Variants in SETDB1 observed in about 807,000 individuals in gnomAD.
SETDB1 encodes SET domain bifurcated histone lysine methyltransferase 1, also known as histone-lysine N-methyltransferase SETDB1.
In SETDB1, 31 loss-of-function variants were observed where a neutral mutation model predicts 137.4. That is an observed-to-expected ratio of 0.23 (90% confidence interval 0.17 to 0.30). The LOEUF is 0.30. SETDB1 is among the 10% of genes least tolerant of loss of function. The pLI, the probability that SETDB1 is intolerant of heterozygous loss-of-function variation, is 1.00. For synonymous variants in SETDB1, 548 were observed against 579.9 expected, an observed-to-expected ratio of 0.95 and a Z score of 0.79; for missense variants, 1,113 against 1,631.5, an observed-to-expected ratio of 0.68 and a Z score of 5.47.
At chr1:150,956,090 T>TAAAAAAA (rs1670630291) in intron 14 of SETDB1, among the ~76,000 whole-genome samples, 1 of 35,822 alleles carries the variant, frequency 2.8e-5, no homozygotes, top group South Asian at 1.1e-3. Flanking sequence ...AGACTTCGTC[T>TAAAAAAA]CAAAAAAAAA....
intron 3 of SETDB1, among the ~76,000 whole-genome samples, chr1:150,931,736 A>AAC (rs1371879425): frequency 8.8e-5 from 13 of 148,160 alleles, no homozygotes; most frequent in Non-Finnish European, 1.4e-4. Flanking sequence ...CAAAAAAAAA[A>AAC]AAAAAAAAAA....
At chr1:150,963,269 G>T in intron 19 of SETDB1, 130 bp downstream of exon 19, 1 of 845,354 alleles carries the variant, frequency 1.2e-6, no homozygotes. Flanking sequence ...CTCTGGGAGG[G>T]CTTTCTGACT....
chr1:150,961,313 C>G, intron 16 of SETDB1, 122 bp downstream of exon 16: 1 of 1,013,554 alleles, frequency 9.9e-7, no homozygotes, highest in Non-Finnish European at 1.5e-6. Flanking sequence ...GTGGCCACCT[C>G]GTTATCTCTC....
Position 150,951,084 on chromosome 1 carries a change from G to A in SETDB1, c.2210G>A (p.Arg737Gln), listed in dbSNP as rs200603147. The change falls in exon 13 of 22, where the codon CGG becomes CAG. Residue 737 changes from arginine to glutamine, a missense_variant. Arg to Gln is a conservative substitution (Grantham distance 43). This residue lies in a region of SETDB1 where 81 missense variants were observed against 123.4 expected (regional missense o/e 0.66). Coordinates refer to ENST00000692827, the MANE Select transcript of SETDB1 (RefSeq NM_001366418.1). ...GGCTGTGACTGCAAGGATGGGTGTC[G>A]GGACAAGTGAGTTGGTGGGGGGAAT... ...LVGCDCKDGCRDKSKCACHQL... is the reference protein window; with the variant it reads ...LVGCDCKDGCQDKSKCACHQL... 7 of 1,605,234 alleles carry A rather than the reference G, an allele frequency of 4.4e-6. No individual in the cohort carries two copies. The highest frequency in any genetic ancestry group is 5.1e-6 in the Non-Finnish European group (6 of 1,173,844).
Position 150,941,375 on chromosome 1 carries a change from A to C in SETDB1, c.494A>C (p.Gln165Pro). The C allele has an allele frequency of 6.2e-7, 1 of 1,613,862 alleles. No individual in the cohort carries two copies. The highest frequency in any genetic ancestry group is 1.7e-5 in the Admixed American group (1 of 60,010). ...AALRKSAQDVQKFMDAVNKKS... is the reference protein window; with the variant it reads ...AALRKSAQDVPKFMDAVNKKS... ...TTAAGAAAGTCAGCTCAAGATGTTC[A>C]GAAGTTCATGGATGCTGTCAACAAG... Residue 165 changes from glutamine (Q) to proline (P), a missense_variant, in exon 5 of 22, where the codon CAG becomes CCG. By Grantham distance (76) the Gln-to-Pro change is moderately conservative (BLOSUM62 -1). Around this residue, in one of 11 missense-constraint regions of SETDB1, gnomAD observed 159 missense variants for 188.6 expected, o/e 0.84. Coordinates refer to ENST00000692827, the MANE Select transcript of SETDB1 (RefSeq NM_001366418.1).
chr1:150,961,301 C>A, intron 16 of SETDB1, 110 bp downstream of exon 16: 2 of 1,133,902 alleles, frequency 1.8e-6, no homozygotes, highest in Non-Finnish European at 2.6e-6. Context: ...ATGGATATTT[C>A]TGTGGCCACC....
intron 14 of SETDB1, among the ~76,000 whole-genome samples, chr1:150,956,798 C>T (rs1670655096): frequency 6.6e-6 from 1 of 150,988 alleles, no homozygotes; most frequent in Non-Finnish European, 1.5e-5. Flanking sequence ...GGATTACCGA[C>T]ATGGGAAATA....
chr1:150,937,384 A>G (rs973956085), intron 3 of SETDB1, among the ~76,000 whole-genome samples: 7 of 152,110 alleles, frequency 4.6e-5, no homozygotes, highest in African/African-American at 1.7e-4. Flanking sequence ...TGCAAAATGA[A>G]AAGAGTTCTG....
chr1:150,948,307 T>C (rs946346230), intron 10 of SETDB1, among the ~76,000 whole-genome samples: 5 of 151,240 alleles, frequency 3.3e-5, no homozygotes, highest in African/African-American at 4.9e-5. Flanking sequence ...GTCTGGTTCT[T>C]TTGCCCAGGC....
rs1384065293 is a variant in SETDB1, at chr1:150,964,730, A to G, written c.*366A>G. On this transcript the variant is annotated 3_prime_UTR_variant, in exon 22 of 22. Coordinates refer to ENST00000692827, the MANE Select transcript of SETDB1 (RefSeq NM_001366418.1). ...CTTGAAAGTCTTTTAACAATATGAT[A>G]AAACTAAGATTGTGGTTTTGTTTCT... 3 of 564,464 alleles carry G rather than the reference A, an allele frequency of 5.3e-6. No individual in the cohort carries two copies. The highest frequency in any genetic ancestry group is 9.5e-6 in the Non-Finnish European group (3 of 316,978). 35.0% of individuals were successfully genotyped at this position (564,464 alleles called of 1,614,324 possible).
chr1:150,958,254 C>CTTTTTTTTTTTTTT (rs374122454), intron 14 of SETDB1, among the ~76,000 whole-genome samples: 3 of 94,070 alleles, frequency 3.2e-5, no homozygotes, highest in Non-Finnish European at 6.1e-5. Flanking sequence ...TTTCTTTTTT[C>CTTTTTTTTTTTTTT]TTTTTTTTTT....
chr1:150,945,142 G>A (rs1300842223), intron 9 of SETDB1, 34 bp downstream of exon 9: 1 of 1,613,198 alleles, frequency 6.2e-7, no homozygotes, highest in African/African-American at 1.3e-5. Flanking sequence ...GGAGGCAGAG[G>A]TTGGTGGGGG....
In SETDB1 at chr1:150,951,370, A is replaced by C. The variant is rs1318512460; in HGVS notation, c.2222A>C (p.Lys741Thr). The change falls in exon 14 of 22, where the codon AAG becomes ACG. Residue 741 changes from lysine to threonine, a missense_variant. Lys to Thr is a moderately conservative substitution (Grantham distance 78). Transcript: ENST00000692827. ...TATTTCCCTCTGTCATATAGGTCCA[A>C]GTGTGCCTGCCATCAACTAACTATC... ...DCKDGCRDKS[K>T]CACHQLTIQA... 1 of 1,607,760 alleles carries C rather than the reference A, an allele frequency of 6.2e-7. No homozygotes were observed. Among genetic ancestry groups the C allele is most frequent in the East Asian group, 2.2e-5 (1 of 44,854 alleles).
Position 150,927,776 on chromosome 1 carries a change from A to G in SETDB1, c.62A>G (p.Glu21Gly). The G allele has an allele frequency of 6.2e-7, 1 of 1,614,190 alleles. No homozygotes were observed. Reference protein sequence around the residue: ...DAATATVESEEIAELQQAVVE... With the variant: ...DAATATVESEGIAELQQAVVE... Reference sequence around the variant, plus strand: ...GCAACAGCTACAGTGGAGTCTGAAGAGATTGCAGAGCTGCAACAGGCAGTG... The same window carrying G: ...GCAACAGCTACAGTGGAGTCTGAAGGGATTGCAGAGCTGCAACAGGCAGTG... Residue 21 changes from glutamate (E) to glycine (G), a missense_variant, in exon 2 of 22, where the codon GAG (glutamate) becomes GGG (glycine). Glu to Gly is a moderately conservative substitution (Grantham distance 98). This residue lies in a region of SETDB1 where 32 missense variants were observed against 26.3 expected (regional missense o/e 1.22). Transcript: ENST00000692827.
At chr1:150,942,783 C>T in intron 6 of SETDB1, 69 bp from the exon 7 acceptor site, 1 of 1,596,606 alleles carries the variant, frequency 6.3e-7, no homozygotes, top group Admixed American at 1.7e-5. Context: ...ATTTGTCTCT[C>T]ACATAGCAGC....
At chr1:150,943,305 G>A (rs1282782298) in intron 7 of SETDB1, among the ~76,000 whole-genome samples, 2 of 152,144 alleles carry the variant, frequency 1.3e-5, no homozygotes, top group African/African-American at 4.8e-5. Flanking sequence ...ATGGTCAGGG[G>A]AATACAATTC....
At chr1:150,928,089 G>A in intron 2 of SETDB1, 115 bp downstream of exon 2, 6 of 1,253,932 alleles carry the variant, frequency 4.8e-6, no homozygotes, top group South Asian at 1.4e-5. Context: ...ACGGAGTCTC[G>A]CTCTGTCACC....
chr1:150,935,264 C>T (rs971937532), intron 3 of SETDB1, among the ~76,000 whole-genome samples: 1 of 152,122 alleles, frequency 6.6e-6, no homozygotes, highest in Non-Finnish European at 1.5e-5. Flanking sequence ...TCAGTTTTGT[C>T]TTGCTGGTTT....
At position 150,949,457 on chromosome 1, in the gene SETDB1, C is replaced by T. The variant is rs780320285; in HGVS notation, c.1515C>T (p.Ser505=). ...FRPGSVGSGH[S]SPTSPALSEN... is the part of the protein sequence containing the mutation. ...CAGGATCTGTGGGCTCTGGTCATTCCTCCCCTACATCTCCTGCACTCAGTG... is the reference window on the plus strand; with the variant it reads ...CAGGATCTGTGGGCTCTGGTCATTCTTCCCCTACATCTCCTGCACTCAGTG... Residue 505 remains serine (S), a synonymous_variant, in exon 12 of 22, where the codon TCC becomes TCT. Coordinates refer to ENST00000692827, the MANE Select transcript of SETDB1 (RefSeq NM_001366418.1). 1.4e-4 allele frequency: 224 copies of T among 1,613,992 alleles called. No individual in the cohort carries two copies. The highest frequency in any genetic ancestry group is 3.3e-4 in the Middle Eastern group (2 of 6,084).
Sources: gnomAD v4.1 joint callset for allele counts (sites outside exome capture counted in the v4.1 genomes callset) on GRCh38, gnomAD v4.1.1 for gene constraint, gnomAD v4.1.1 regional missense constraint, MANE v1.5 for transcripts, NCBI Gene and HGNC (gene_info 2026-07-23, HGNC 2026-07-21) for gene names.